The following ESRRG variants were observed in gnomAD, a reference collection of about 807,000 sequenced individuals.
The protein encoded by ESRRG is estrogen-related receptor gamma.
A neutral mutation model predicts 44.0 loss-of-function variants in ESRRG; 13 were observed. That is an observed-to-expected ratio of 0.30 (90% CI 0.19 to 0.47). ESRRG has a LOEUF of 0.47. Among genes scored for constraint, ESRRG ranks in the 20% least tolerant of loss-of-function variants. The pLI, the probability that ESRRG is intolerant of heterozygous loss-of-function variation, is 1.00. For missense variants in ESRRG, 395 were observed against 580.6 expected (o/e 0.68, Z 3.29); for synonymous variants, 215 against 214.6 (o/e 1.00, Z -0.02).
At chr1:216,599,837 G>A (rs943056463) in intron 3 of ESRRG, among the ~76,000 whole-genome samples, 4 of 150,198 alleles carry the variant, frequency 2.7e-5, no homozygotes, top group Middle Eastern at 3.5e-3. Context: ...AAAAAAAAAA[G>A]AAAGAGAAGA....
At chr1:216,929,685 C>A (rs150642524) in intron 2 of ESRRG, among the ~76,000 whole-genome samples, 12 of 152,248 alleles carry the variant, frequency 7.9e-5, no homozygotes, top group African/African-American at 2.6e-4. Flanking sequence ...CAGAGAAGTA[C>A]GTGATGAGGC....
chr1:216,753,518 C>A (rs2092233678), intron 2 of ESRRG, among the ~76,000 whole-genome samples: 1 of 152,078 alleles, frequency 6.6e-6, no homozygotes, highest in South Asian at 2.1e-4. Flanking sequence ...AGGAGTTCAA[C>A]AAACTAATAC....
At chr1:216,716,191 C>T (rs1254933532) in intron 1 of ESRRG, among the ~76,000 whole-genome samples, 3 of 152,042 alleles carry the variant, frequency 2.0e-5, no homozygotes, top group Non-Finnish European at 4.4e-5. Flanking sequence ...TTCACCACTT[C>T]AGAGACTTTT....
intron 5 of ESRRG, among the ~76,000 whole-genome samples, chr1:216,530,128 AAAAAAG>A (rs1297663042): frequency 4.0e-5 from 6 of 150,588 alleles, no homozygotes; most frequent in African/African-American, 1.5e-4. Context: ...AAAAAAAAAA[AAAAAAG>A]GGGGTGGGGG....
chr1:216,996,232 G>C (rs1188104849), intron 1 of ESRRG, among the ~76,000 whole-genome samples: 1 of 152,082 alleles, frequency 6.6e-6, no homozygotes, highest in South Asian at 2.1e-4. Context: ...AGAAGGCAAA[G>C]AGGAAAAAGA....
chr1:217,071,120 GAT>G (rs1436383683), intron 1 of ESRRG, among the ~76,000 whole-genome samples: 1 of 152,000 alleles, frequency 6.6e-6, no homozygotes, highest in Non-Finnish European at 1.5e-5. Flanking sequence ...TGAGTTCTGT[GAT>G]ATTTCTGTGA....
At chr1:216,670,116 G>A (rs1268366819) in intron 2 of ESRRG, among the ~76,000 whole-genome samples, 1 of 152,044 alleles carries the variant, frequency 6.6e-6, no homozygotes, top group Non-Finnish European at 1.5e-5. Context: ...ACACTATTTG[G>A]GTTAAATACA....
At chr1:216,615,399 A>G (rs552264968) in intron 3 of ESRRG, among the ~76,000 whole-genome samples, 6 of 152,192 alleles carry the variant, frequency 3.9e-5, no homozygotes, top group East Asian at 3.9e-4. Context: ...AGGTTAGTCT[A>G]CTCACCCTGG....
At chr1:216,973,486 C>T (rs2072152757) in intron 1 of ESRRG, among the ~76,000 whole-genome samples, 1 of 152,162 alleles carries the variant, frequency 6.6e-6, no homozygotes. Context: ...GCTGTTGCCC[C>T]AGGGCCCAGA....
chr1:217,079,536 G>T (rs1396733501), intron 1 of ESRRG, among the ~76,000 whole-genome samples: 1 of 152,186 alleles, frequency 6.6e-6, no homozygotes, highest in Non-Finnish European at 1.5e-5. Flanking sequence ...TCCACATAAT[G>T]TAATGAATAG....
At chr1:216,530,318 C>T (rs74143441) in intron 5 of ESRRG, among the ~76,000 whole-genome samples, 5 of 146,734 alleles carry the variant, frequency 3.4e-5, no homozygotes, top group African/African-American at 1.1e-4. Flanking sequence ...ATCTATCTAT[C>T]TATCTATCTA....
At chr1:216,749,408 A>T (rs1392857939) in intron 2 of ESRRG, among the ~76,000 whole-genome samples, 2 of 152,140 alleles carry the variant, frequency 1.3e-5, no homozygotes, top group African/African-American at 2.4e-5. Context: ...CAAAGTGATT[A>T]GAGAGCCCAG....
chr1:217,078,386 T>C (rs1473994059), intron 1 of ESRRG: 1 of 152,200 alleles, frequency 6.6e-6, no homozygotes, highest in East Asian at 1.9e-4. Flanking sequence ...TGATCTGTAT[T>C]TGCAGCCCTG....
rs914617628 is a variant in ESRRG at position 216,583,031 on chromosome 1, T to C, written c.590-14933A>G. On this transcript the variant is annotated intron_variant, in intron 3 of 6. Coordinates refer to ENST00000408911, the MANE Select transcript of ESRRG (RefSeq NM_001438.4). ...GAAGGGAAGGAAATTAAAAAGAGTC[T>C]TGAGTGTTTGAAGAAAAAAAAAACT... Among the ~76,000 whole-genome samples the C allele has an allele frequency of 3.4e-5, 5 of 149,148 alleles. No homozygotes were observed. In the East Asian group the frequency reaches 9.9e-4, roughly 29 times the overall value.
intron 2 of ESRRG, among the ~76,000 whole-genome samples, chr1:216,908,484 G>A (rs1328661500): frequency 3.9e-5 from 6 of 152,154 alleles, no homozygotes; most frequent in African/African-American, 1.2e-4. Context: ...GCAGTTTAGA[G>A]CCAAATCAAT....
At chr1:217,113,286 C>T (rs1464123748) in intron 1 of ESRRG, among the ~76,000 whole-genome samples, 1 of 152,140 alleles carries the variant, frequency 6.6e-6, no homozygotes, top group African/African-American at 2.4e-5. Context: ...AGACTGGACC[C>T]TAATCAAGGA....
At chr1:216,698,836 T>A (rs2789725) in intron 1 of ESRRG, among the ~76,000 whole-genome samples, 1 of 152,042 alleles carries the variant, frequency 6.6e-6, no homozygotes, top group African/African-American at 2.4e-5. Flanking sequence ...GTGCCTCAGG[T>A]AACTGAGCTT....
At position 216,880,304 on chromosome 1, in the gene ESRRG, C is replaced by CAAAAAA. The variant is rs11301281; in HGVS notation, c.-14+59272_-14+59277dup. 1.4e-3 allele frequency among the ~76,000 whole-genome samples: 41 copies of CAAAAAA among 29,036 alleles called. 4 individuals carry two copies. The highest frequency in any genetic ancestry group is 2.5e-3 in the African/African-American group (18 of 7,160). 19.0% of individuals were successfully genotyped at this position (29,036 alleles called of 152,430 possible). On this transcript the variant is annotated intron_variant, in intron 2 of 7. Transcript: ENST00000359162. ...CCTGAGCGACAACAAGCCTCCCTCT[C>CAAAAAA]AAAAAAAAAAAAAAAAAAAAAAAAA... is the stretch of plus-strand genomic sequence containing the variant.
At chr1:216,605,894 CT>C (rs1202997896) in intron 3 of ESRRG, among the ~76,000 whole-genome samples, 5 of 149,972 alleles carry the variant, frequency 3.3e-5, no homozygotes, top group African/African-American at 1.2e-4. Flanking sequence ...AAAAAAGACC[CT>C]TCTGAAGAAG....
Sources: gnomAD v4.1 joint callset for allele counts (sites outside exome capture counted in the v4.1 genomes callset) on GRCh38, gnomAD v4.1.1 for gene constraint, MANE v1.5 for transcripts, NCBI Gene and HGNC (gene_info 2026-07-23, HGNC 2026-07-21) for gene names.